MFN1: variants seen among roughly 807,000 people sequenced by gnomAD.
MFN1 encodes the protein mitofusin 1.
A neutral mutation model predicts 92.4 loss-of-function variants in MFN1; 65 were observed. The observed-to-expected ratio is 0.70, with a 90% CI of 0.58 to 0.86. The LOEUF (loss-of-function observed/expected upper bound fraction) is 0.86, where lower values mean the gene tolerates loss of function less well. Among genes scored for constraint, MFN1 ranks in the 40% least tolerant of loss-of-function variants. The probability of loss-of-function intolerance (pLI) is 0.00; values close to 1 mark genes in which losing one functional copy is unlikely to be tolerated. For synonymous variants in MFN1, 297 were observed against 300.9 expected (o/e 0.99, Z 0.13); for missense variants, 781 against 868.0 (o/e 0.90, Z 1.26).
At chr3:179,379,019 G>A (rs1010350229) in intron 14 of MFN1, among the ~76,000 whole-genome samples, 6 of 152,072 alleles carry the variant, frequency 3.9e-5, no homozygotes, top group Non-Finnish European at 5.9e-5. Flanking sequence ...TTTTGAGTAC[G>A]GTGACACCAC....
intron 17 of MFN1, among the ~76,000 whole-genome samples, chr3:179,390,475 T>C (rs1713857953): frequency 6.6e-6 from 1 of 152,198 alleles, no homozygotes; most frequent in Admixed American, 6.5e-5. Context: ...AAGTGAATTT[T>C]TAGTTGTGTA....
Position 179,378,640 on chromosome 3 carries a change from C to T in MFN1, c.1488C>T (p.Ile496=), listed in dbSNP as rs780129372. 1 of 1,613,672 alleles carries T rather than the reference C, an allele frequency of 6.2e-7. No individual in the cohort carries two copies. The highest frequency in any genetic ancestry group is 8.5e-7 in the Non-Finnish European group (1 of 1,179,794). ...TACAGGATAAACTACATACACTGAT[C>T]CCTTGCAAGAAATTTGATCTCAGTT... ...AGIQDKLHTL[I]PCKKFDLSYN... is the part of the protein sequence containing the mutation. The change falls in exon 14 of 18, where the codon ATC becomes ATT. Residue 496 remains isoleucine, a synonymous_variant. Coordinates refer to ENST00000471841, the MANE Select transcript of MFN1 (RefSeq NM_033540.3).
intron 9 of MFN1, among the ~76,000 whole-genome samples, chr3:179,374,747 C>G (rs112647649): frequency 3.3e-5 from 5 of 152,230 alleles, no homozygotes; most frequent in African/African-American, 1.2e-4. Flanking sequence ...TCCTTTTTAG[C>G]AAACTTACAG....
intron 16 of MFN1, 151 bp downstream of exon 16, chr3:179,386,780 A>G (rs1454172426): frequency 1.5e-6 from 1 of 669,524 alleles, no homozygotes; most frequent in Non-Finnish European, 2.5e-6. Flanking sequence ...ATAGAACAAT[A>G]CTAAACCTCA....
rs1713979851 is a variant in MFN1 at position 179,393,316 on chromosome 3, T to C, written c.*1257T>C. ...AAAATGTAGGACTACCAGATCAGTA[T>C]CTCCTAGACACTTGTTAGAAATGCA... On this transcript the variant is annotated 3_prime_UTR_variant, in exon 18 of 18. Coordinates refer to ENST00000471841, the MANE Select transcript of MFN1 (RefSeq NM_033540.3). The C allele has an allele frequency of 6.6e-6, 1 of 152,190 alleles. No homozygotes were observed. Among genetic ancestry groups the C allele is most frequent in the Non-Finnish European group, 1.5e-5 (1 of 68,032 alleles). 9.4% of individuals were successfully genotyped at this position (152,190 alleles called of 1,614,324 possible). A position where few individuals can be genotyped will look rare whatever the true frequency, so the allele number is the denominator to read the frequency against.
chr3:179,361,213 C>T (rs183279290), intron 4 of MFN1, among the ~76,000 whole-genome samples: 7 of 152,330 alleles, frequency 4.6e-5, no homozygotes, highest in Non-Finnish European at 7.3e-5. Context: ...ATTCAAACTT[C>T]TCGTGACTTC....
chr3:179,348,093 G>T (rs1307770314), intron 1 of MFN1: 1 of 151,942 alleles, frequency 6.6e-6, no homozygotes, highest in East Asian at 1.9e-4. Context: ...CCTGCGCCCG[G>T]TGTGGGAAGG....
chr3:179,372,458 A>G (rs1281481204), intron 9 of MFN1, among the ~76,000 whole-genome samples: 2 of 152,098 alleles, frequency 1.3e-5, no homozygotes, highest in Non-Finnish European at 2.9e-5. Context: ...ATTAATTAGC[A>G]TATTAGTGTA....
chr3:179,363,165 G>A (rs532305193), intron 5 of MFN1, among the ~76,000 whole-genome samples: 35 of 152,230 alleles, frequency 2.3e-4, no homozygotes, highest in Non-Finnish European at 4.4e-4. Flanking sequence ...GTACAGTGGC[G>A]CAGTGTCAGC....
chr3:179,364,951 T>C (rs555607844), intron 6 of MFN1, among the ~76,000 whole-genome samples, 167 bp from the exon 7 acceptor site: 23 of 152,356 alleles, frequency 1.5e-4, no homozygotes, highest in Admixed American at 5.2e-4. Flanking sequence ...TTTAAAGTTA[T>C]CAGTTTTTTT....
At chr3:179,388,816 A>G (rs1341365460) in intron 16 of MFN1, among the ~76,000 whole-genome samples, 1 of 152,248 alleles carries the variant, frequency 6.6e-6, no homozygotes, top group Non-Finnish European at 1.5e-5. Flanking sequence ...AGGGGAAAAG[A>G]CTGCATTCAA....
Position 179,394,858 on chromosome 3 carries a change from GTATA to G in MFN1, c.*2800_*2803del, listed in dbSNP as rs1714042648. On this transcript the variant is annotated 3_prime_UTR_variant, in exon 18 of 18. Coordinates refer to ENST00000471841, the MANE Select transcript of MFN1 (RefSeq NM_033540.3). Reference sequence around the variant, plus strand: ...TTGTATGTTTGCAGGATTAAACTTTGTATAATCTTTTTACAAAAATTTTTTTTCA... The same window carrying G: ...TTGTATGTTTGCAGGATTAAACTTTGATCTTTTTACAAAAATTTTTTTTCA... The G allele has an allele frequency of 6.6e-6, 1 of 152,178 alleles. No individual in the cohort carries two copies. The highest frequency in any genetic ancestry group is 2.4e-5 in the African/African-American group (1 of 41,436). 9.4% of individuals were successfully genotyped at this position (152,178 alleles called of 1,614,324 possible).
At chr3:179,390,195 T>C (rs2108562305) in intron 17 of MFN1, 57 bp downstream of exon 17, 1 of 1,332,836 alleles carries the variant, frequency 7.5e-7, no homozygotes, top group Non-Finnish European at 9.9e-7. Flanking sequence ...TTACAAAATA[T>C]GTAAAATTAT....
chr3:179,358,820 T>C lies in MFN1; in HGVS notation c.249-20T>C, dbSNP rs1393020278. The C allele has an allele frequency of 1.8e-5, 29 of 1,593,914 alleles. No homozygotes were observed. The highest frequency in any genetic ancestry group is 2.5e-5 in the Non-Finnish European group (29 of 1,170,248). ...TTTTACTGTTATGTTTTGTTTTTCATGATTTTGTATATTCTTCAGGACAAG... is the reference window on the plus strand; with the variant it reads ...TTTTACTGTTATGTTTTGTTTTTCACGATTTTGTATATTCTTCAGGACAAG... On this transcript the variant is annotated intron_variant, in intron 3 of 17. Coordinates refer to ENST00000471841, the MANE Select transcript of MFN1 (RefSeq NM_033540.3).
At chr3:179,365,295 A>T (rs1712744887) in intron 7 of MFN1, 70 bp downstream of exon 7, 4 of 873,020 alleles carry the variant, frequency 4.6e-6, no homozygotes, top group Non-Finnish European at 6.9e-6. Flanking sequence ...AGAAAACAAT[A>T]TTGCTTATAG....
intron 9 of MFN1, among the ~76,000 whole-genome samples, chr3:179,373,328 G>A (rs904762613): frequency 3.9e-5 from 6 of 152,154 alleles, no homozygotes; most frequent in Non-Finnish European, 5.9e-5. Context: ...TTGAATGCAC[G>A]TGTAGCATCC....
intron 7 of MFN1, among the ~76,000 whole-genome samples, chr3:179,366,553 C>T (rs1712802684): frequency 6.6e-6 from 1 of 152,130 alleles, no homozygotes; most frequent in Non-Finnish European, 1.5e-5. Flanking sequence ...ATAACTTAAA[C>T]TATCCCATCA....
At chr3:179,375,451 C>T (rs777553357) in intron 10 of MFN1, 110 bp downstream of exon 10, 117 of 1,349,904 alleles carry the variant, frequency 8.7e-5, no homozygotes, top group Non-Finnish European at 1.2e-4. Flanking sequence ...CTGAAATCAA[C>T]CTTGTGGGTT....
Position 179,393,156 on chromosome 3 carries a change from G to T in MFN1, c.*1097G>T, listed in dbSNP as rs888666499. Reference sequence around the variant, plus strand: ...TAACATTTACAAAATTCTTCCTTGAGCTGGTGGAAATGCCTCACCAGTTTC... The same window carrying T: ...TAACATTTACAAAATTCTTCCTTGATCTGGTGGAAATGCCTCACCAGTTTC... On this transcript the variant is annotated 3_prime_UTR_variant, in exon 18 of 18. Transcript: ENST00000471841. The T allele has an allele frequency of 2.0e-5, 3 of 152,074 alleles. No homozygotes were observed. In the South Asian group the frequency reaches 6.2e-4, roughly 31 times the overall value. 9.4% of individuals were successfully genotyped at this position (152,074 alleles called of 1,614,324 possible). A position where few individuals can be genotyped will look rare whatever the true frequency, so the allele number is the denominator to read the frequency against.
Sources: gnomAD v4.1 joint callset for allele counts (sites outside exome capture counted in the v4.1 genomes callset) on GRCh38, gnomAD v4.1.1 for gene constraint, MANE v1.5 for transcripts, NCBI Gene and HGNC (gene_info 2026-07-23, HGNC 2026-07-21) for gene names.